The following PRMT2 variants were observed in gnomAD, a reference collection of about 807,000 sequenced individuals.
The protein encoded by PRMT2 is protein arginine N-methyltransferase 2.
A neutral mutation model predicts 57.6 loss-of-function variants in PRMT2; 26 were observed. That is an observed-to-expected ratio of 0.45 (90% confidence interval 0.33 to 0.63). The LOEUF is 0.63. PRMT2 is among the 20% of genes least tolerant of loss of function. PRMT2 has a pLI of 0.02. For missense variants in PRMT2, 472 were observed against 564.4 expected (o/e 0.84, Z 1.66); for synonymous variants, 219 against 220.0 (o/e 1.00, Z 0.04).
At position 46,649,475 on chromosome 21, in the gene PRMT2, G is replaced by T. The variant is rs1231061614; in HGVS notation, c.490-100G>T. 1 of 1,573,632 alleles carries T rather than the reference G, an allele frequency of 6.4e-7. No homozygotes were observed. The highest frequency in any genetic ancestry group is 8.7e-7 in the Non-Finnish European group (1 of 1,147,038). ...GTCTGGAATGCTGCTTCCCTCTTGTGTCATTGACCATTTCTCGTGATGCTG... is the reference window on the plus strand; with the variant it reads ...GTCTGGAATGCTGCTTCCCTCTTGTTTCATTGACCATTTCTCGTGATGCTG... On this transcript the variant is annotated intron_variant, in intron 6 of 11. Transcript: ENST00000355680. This position sits in a 1 kb window ranked among gnomAD's most constrained non-coding sequence, Gnocchi z 4.8.
rs1024091727 is a variant in PRMT2, at chr21:46,659,244, C to T, written c.830+324C>T. The T allele has an allele frequency of 1.2e-5, 13 of 1,063,298 alleles. 1 individual carries two copies. Among genetic ancestry groups the T allele is most frequent in the Middle Eastern group, 4.3e-4 (1 of 2,346 alleles). The allele number at this position is 1,063,298 out of a possible 1,614,324, so 65.9% of individuals were successfully genotyped here. ...TTAGCCCTTGTTCTCTCACGCCATA[C>T]GTGAAAACTTAATTCTGCATGGAAT... On this transcript the variant is annotated intron_variant, in intron 8 of 11. Coordinates refer to ENST00000355680, the MANE Select transcript of PRMT2 (RefSeq NM_206962.4).
At chr21:46,644,229 A>C in intron 4 of PRMT2, 77 bp from the exon 5 acceptor site, 1 of 1,399,400 alleles carries the variant, frequency 7.1e-7, no homozygotes, top group Non-Finnish European at 9.7e-7. Context: ...GTCACCATTG[A>C]TGGGATTTAT....
rs778878939 is a variant in PRMT2 at position 46,664,395 on chromosome 21, T to A, written c.*68T>A. The A allele has an allele frequency of 1.9e-6, 3 of 1,599,072 alleles. No homozygotes were observed. The African/African-American group carries it at 4.0e-5, about 21-fold the overall frequency. On this transcript the variant is annotated 3_prime_UTR_variant, in exon 12 of 12. Transcript: ENST00000355680. ...GGTGATGAACACAAGCAAACCAAGT[T>A]GCACCTGGCTTCTGCACACTCCTGC... is the stretch of plus-strand genomic sequence containing the variant.
intron 9 of PRMT2, 56 bp downstream of exon 9, chr21:46,661,018 C>G (rs1286471464): frequency 6.5e-7 from 1 of 1,548,660 alleles, no homozygotes; most frequent in Non-Finnish European, 8.8e-7. Context: ...ACGAAACACT[C>G]AGACCAGAGC....
chr21:46,659,819 G>A (rs1312431894), intron 8 of PRMT2: 1 of 985,454 alleles, frequency 1.0e-6, no homozygotes, highest in Non-Finnish European at 1.2e-6. Flanking sequence ...CCATCTGGTG[G>A]AGCACTGCTG....
intron 3 of PRMT2, among the ~76,000 whole-genome samples, chr21:46,639,156 T>G (rs1365296546): frequency 6.6e-6 from 1 of 152,182 alleles, no homozygotes; most frequent in African/African-American, 2.4e-5. Context: ...TATTGGAAAT[T>G]TTACTTTTTC....
Position 46,652,887 on chromosome 21 carries a change from T to C in PRMT2, c.654+3148T>C, listed in dbSNP as rs968041413. The C allele has an allele frequency of 1.1e-5, 14 of 1,302,814 alleles. No individual in the cohort carries two copies. The East Asian group carries it at 7.8e-4, about 72-fold the overall frequency. The allele number at this position is 1,302,814 out of a possible 1,614,324, so 80.7% of individuals were successfully genotyped here. On this transcript the variant is annotated intron_variant, in intron 7 of 11. Coordinates refer to ENST00000355680, the MANE Select transcript of PRMT2 (RefSeq NM_206962.4). The stretch of plus-strand genomic sequence containing the variant: ...TTGTTCTCCTGAGGCCACGCCACGA[T>C]TTCCGAGAAGCAGGTTGCACACTCA...
chr21:46,664,154 GT>G, intron 11 of PRMT2, 140 bp from the exon 12 acceptor site: 1 of 652,742 alleles, frequency 1.5e-6, no homozygotes, highest in Non-Finnish European at 2.7e-6. Flanking sequence ...TTTGTGATAA[GT>G]TTTTGTTAAA....
chr21:46,656,014 C>G (rs2061536820), intron 7 of PRMT2, among the ~76,000 whole-genome samples: 1 of 152,096 alleles, frequency 6.6e-6, no homozygotes, highest in African/African-American at 2.4e-5. Flanking sequence ...AAATTTGATC[C>G]TCAGTGTGGT....
chr21:46,651,701 T>C, intron 7 of PRMT2: 1 of 1,301,464 alleles, frequency 7.7e-7, no homozygotes, highest in Non-Finnish European at 1.1e-6. Context: ...AGAGTTCCTA[T>C]GGCGATAGTT....
chr21:46,650,636 C>T (rs1398040083), intron 7 of PRMT2, among the ~76,000 whole-genome samples: 2 of 152,216 alleles, frequency 1.3e-5, no homozygotes, highest in Non-Finnish European at 2.9e-5. Flanking sequence ...TGAACAGCAG[C>T]GCCCATTCAA....
intron 3 of PRMT2, among the ~76,000 whole-genome samples, chr21:46,639,708 T>TTG (rs538598625): frequency 1.2e-3 from 184 of 149,080 alleles, no homozygotes; most frequent in African/African-American, 3.4e-3. Flanking sequence ...GTGTGTGTGT[T>TTG]TGTGTGTGTG....
At chr21:46,639,718 G>A (rs2061238126) in intron 3 of PRMT2, among the ~76,000 whole-genome samples, 1 of 150,760 alleles carries the variant, frequency 6.6e-6, no homozygotes, top group Admixed American at 6.6e-5. Flanking sequence ...TTGTGTGTGT[G>A]TGTGTGTGTA....
At chr21:46,654,015 A>G in intron 7 of PRMT2, 1 of 992,648 alleles carries the variant, frequency 1.0e-6, no homozygotes, top group Non-Finnish European at 1.2e-6. Context: ...AGCAGCTTGC[A>G]CTTCTGAGGG....
Position 46,644,395 on chromosome 21 carries a change from C to T in PRMT2, c.234C>T (p.Tyr78=), listed in dbSNP as rs1311688391. ...WWGERAGCCG[Y]IPANHVGKHV... ...GTGAGCGTGCGGGCTGCTGTGGGTA[C>T]ATTCCGGCAAACCATGTGGGGAAGC... The change falls in exon 5 of 12, where the codon TAC becomes TAT. Residue 78 remains tyrosine, a synonymous_variant. Coordinates refer to ENST00000355680, the MANE Select transcript of PRMT2 (RefSeq NM_206962.4). The T allele has an allele frequency of 6.2e-7, 1 of 1,612,140 alleles. No homozygotes were observed. Among genetic ancestry groups the T allele is most frequent in the South Asian group, 1.1e-5 (1 of 90,716 alleles).
chr21:46,656,915 A>C (rs932459812), intron 7 of PRMT2: 1 of 152,250 alleles, frequency 6.6e-6, no homozygotes, highest in African/African-American at 2.4e-5. Flanking sequence ...ATTGCAAAGA[A>C]CATATCCAGT....
intron 5 of PRMT2, among the ~76,000 whole-genome samples, chr21:46,646,017 A>G (rs996252980): frequency 6.6e-6 from 1 of 152,114 alleles, no homozygotes; most frequent in Non-Finnish European, 1.5e-5. Context: ...CCCGGCCGGA[A>G]GGTACTGTTT....
At chr21:46,643,833 G>A (rs1415069208) in intron 4 of PRMT2, among the ~76,000 whole-genome samples, 194 bp downstream of exon 4, 3 of 152,212 alleles carry the variant, frequency 2.0e-5, no homozygotes, top group Non-Finnish European at 2.9e-5. Context: ...GAGGCATGGA[G>A]TGGGGACCCT....
At position 46,635,679 on chromosome 21, in the gene PRMT2, C is replaced by G. The variant is rs898554187; in HGVS notation, c.-250C>G. ...GCACTGCGCTTGCGCGGGTTGAGGG[C>G]GGTGGCTCAGGCTCCTGGAAAGGAC... is the stretch of plus-strand genomic sequence containing the variant. On this transcript the variant is annotated 5_prime_UTR_variant, in exon 1 of 12. Coordinates refer to ENST00000355680, the MANE Select transcript of PRMT2 (RefSeq NM_206962.4). 1 of 152,536 alleles carries G rather than the reference C, an allele frequency of 6.6e-6. No individual in the cohort carries two copies. The highest frequency in any genetic ancestry group is 2.4e-5 in the African/African-American group (1 of 41,458). The allele number at this position is 152,536 out of a possible 1,614,324, so 9.4% of individuals were successfully genotyped here. A position where few individuals can be genotyped will look rare whatever the true frequency, so the allele number is the denominator to read the frequency against.
Sources: allele counts gnomAD v4.1 joint callset (sites outside exome capture counted in the v4.1 genomes callset), GRCh38; gene constraint gnomAD v4.1.1; non-coding constraint Gnocchi (gnomAD v3.1); transcripts MANE v1.5; gene names NCBI Gene and HGNC (gene_info 2026-07-23, HGNC 2026-07-21).